Variants in FAM193A observed in about 807,000 individuals in gnomAD.
FAM193A encodes the protein protein FAM193A.
Under a neutral mutation model 126.5 loss-of-function variants are expected in FAM193A, and 22 were observed. The ratio of observed to expected loss-of-function variants is 0.17; its 90% confidence interval spans 0.12 to 0.25. FAM193A has a LOEUF of 0.25. FAM193A is among the 10% of genes least tolerant of loss of function. The pLI, the probability that FAM193A is intolerant of heterozygous loss-of-function variation, is 1.00. For synonymous variants in FAM193A, 761 were observed against 646.8 expected (o/e 1.18, Z -2.68); for missense variants, 1,675 against 1,672.8 (o/e 1.00, Z -0.02).
intron 7 of FAM193A, chr4:2,655,214 T>G: frequency 1.8e-6 from 1 of 552,030 alleles, no homozygotes; most frequent in Non-Finnish European, 3.3e-6. Context: ...CCTTTATTTC[T>G]AGTTGATTTA....
At chr4:2,653,880 G>A (rs909860108) in intron 7 of FAM193A, among the ~76,000 whole-genome samples, 2 of 152,184 alleles carry the variant, frequency 1.3e-5, no homozygotes, top group Admixed American at 1.3e-4. Context: ...ATGCATGGGT[G>A]GGAGGTTGTG....
intron 14 of FAM193A, 126 bp downstream of exon 14, chr4:2,689,830 C>G: frequency 1.6e-6 from 1 of 640,722 alleles, no homozygotes; most frequent in Non-Finnish European, 2.6e-6. Context: ...ACCTCTGTCT[C>G]CAGTGGGAGG....
At position 2,631,157 on chromosome 4, in the gene FAM193A, C is replaced by A; in HGVS notation, c.1026C>A (p.Phe342Leu). Residue 342 changes from phenylalanine to leucine, a missense_variant, in exon 5 of 21, where the codon TTC becomes TTA. Phe to Leu is a conservative substitution (Grantham distance 22). This residue lies in a region of FAM193A where 1,186 missense variants were observed against 1,109.2 expected (regional missense o/e 1.07). Coordinates refer to ENST00000637812, the MANE Select transcript of FAM193A (RefSeq NM_001366318.2). The stretch of plus-strand genomic sequence containing the variant: ...AGGCCGCACGCTCCATCAGCACCTT[C>A]CTTGGCACTCTGGTAAGAGAGAAAA... ...LCQAARSISTFLGTLENEHLK... is the reference protein window; with the variant it reads ...LCQAARSISTLLGTLENEHLK... 6.2e-7 allele frequency: 1 copy of A among 1,607,738 alleles called. No individual in the cohort carries two copies. The highest frequency in any genetic ancestry group is 1.1e-5 in the South Asian group (1 of 90,368).
chr4:2,721,509 A>C (rs1720155923), intron 20 of FAM193A, among the ~76,000 whole-genome samples: 1 of 152,082 alleles, frequency 6.6e-6, no homozygotes, highest in African/African-American at 2.4e-5. Context: ...ACAAAAGGCA[A>C]ACCATTAGGA....
chr4:2,583,490 G>A (rs1292422430), intron 1 of FAM193A, among the ~76,000 whole-genome samples: 1 of 152,102 alleles, frequency 6.6e-6, no homozygotes, highest in South Asian at 2.1e-4. Flanking sequence ...GATTTGAGTG[G>A]AATTTCTTTC....
At chr4:2,663,808 A>C (rs1334958687) in intron 12 of FAM193A, among the ~76,000 whole-genome samples, 1 of 152,206 alleles carries the variant, frequency 6.6e-6, no homozygotes, top group Non-Finnish European at 1.5e-5. Flanking sequence ...CTCTACTAAA[A>C]ATACAAAAAT....
intron 7 of FAM193A, among the ~76,000 whole-genome samples, chr4:2,655,525 T>G (rs1711570284): frequency 6.6e-6 from 1 of 152,130 alleles, no homozygotes; most frequent in Admixed American, 6.6e-5. Context: ...CTGGCCAGGC[T>G]GGAGTGCAAT....
intron 7 of FAM193A, among the ~76,000 whole-genome samples, chr4:2,647,898 G>GAGT (rs1335173775): frequency 6.6e-6 from 1 of 152,212 alleles, no homozygotes. Flanking sequence ...CTGGCATGGT[G>GAGT]AGTGCCATGT....
At chr4:2,730,264 T>C (rs1026655895) in intron 20 of FAM193A, among the ~76,000 whole-genome samples, 2 of 152,174 alleles carry the variant, frequency 1.3e-5, no homozygotes, top group Non-Finnish European at 2.9e-5. Flanking sequence ...ACAAGAATGT[T>C]GACTATTTGC....
chr4:2,536,612 C>A (rs1000526002), upstream of FAM193A: 3 of 148,964 alleles, frequency 2.0e-5, no homozygotes, highest in African/African-American at 7.4e-5. Flanking sequence ...TCCCCCTCCC[C>A]GCTGCTCCTT....
In FAM193A at chr4:2,624,009, G is replaced by T. The variant is rs546150744; in HGVS notation, c.502-1253G>T. Reference sequence around the variant, plus strand: ...TCTGAGACCTGAGCCCTGAGCCCCTGTTCCCAAGGAGCAGAGTCCTTCTCA... The same window carrying T: ...TCTGAGACCTGAGCCCTGAGCCCCTTTTCCCAAGGAGCAGAGTCCTTCTCA... On this transcript the variant is annotated intron_variant, in intron 2 of 20. Transcript: ENST00000637812. Among the ~76,000 whole-genome samples the T allele has an allele frequency of 3.3e-5, 5 of 152,244 alleles. No individual in the cohort carries two copies. The East Asian group carries it at 7.7e-4, about 24-fold the overall frequency.
At chr4:2,701,675 T>C (rs1324073066) in intron 19 of FAM193A, among the ~76,000 whole-genome samples, 1 of 152,196 alleles carries the variant, frequency 6.6e-6, no homozygotes, top group Non-Finnish European at 1.5e-5. Flanking sequence ...AAGTGTCTTA[T>C]GGGGAAATGA....
intron 18 of FAM193A, among the ~76,000 whole-genome samples, chr4:2,697,759 G>A (rs1029488886): frequency 6.6e-6 from 1 of 152,226 alleles, no homozygotes; most frequent in Non-Finnish European, 1.5e-5. Context: ...AGGCTTTGGG[G>A]GAGAAGCCTT....
chr4:2,586,254 A>T (rs73207331), intron 1 of FAM193A, among the ~76,000 whole-genome samples: 61,093 of 150,804 alleles, frequency 0.41, 12,536 homozygotes, highest in Middle Eastern at 0.45. Flanking sequence ...CAAAAAAAAA[A>T]ATATATATAT....
At chr4:2,725,011 C>G (rs1161478076) in intron 20 of FAM193A, among the ~76,000 whole-genome samples, 1 of 151,938 alleles carries the variant, frequency 6.6e-6, no homozygotes, top group Non-Finnish European at 1.5e-5. Flanking sequence ...TGAGTAGCCT[C>G]TATTACAGGC....
In FAM193A at chr4:2,700,266, C is replaced by T. The variant is rs1406688364; in HGVS notation, c.4094C>T (p.Ser1365Phe). 2 of 1,614,040 alleles carry T rather than the reference C, an allele frequency of 1.2e-6. No homozygotes were observed. The change falls in exon 19 of 21, where the codon TCC (serine) becomes TTC (phenylalanine). Residue 1365 changes from serine (S) to phenylalanine (F), a missense_variant. By Grantham distance (155) the Ser-to-Phe change is radical. Coordinates refer to ENST00000637812, the MANE Select transcript of FAM193A (RefSeq NM_001366318.2). ...CCCCCCAAGGCCACAGAGGGGCAGT[C>T]CAAGCCCCGGGCCCAGACTGAGTCA... ...TEPPKATEGQ[S>F]KPRAQTESKA...
At position 2,731,292 on chromosome 4, in the gene FAM193A, T is replaced by C. The variant is rs1577296259; in HGVS notation, c.4455-483T>C. Among the ~76,000 whole-genome samples, 8 of 150,696 alleles carry C rather than the reference T, an allele frequency of 5.3e-5. 1 individual carries two copies. In the South Asian group the frequency reaches 1.7e-3, roughly 32 times the overall value. On this transcript the variant is annotated intron_variant, in intron 20 of 20. Coordinates refer to ENST00000637812, the MANE Select transcript of FAM193A (RefSeq NM_001366318.2). ...GCTGAGGCAGAGAATTGCTTGAACC[T>C]TGGAGGTGGAGGTTGCAGTGAGCCG...
chr4:2,642,134 C>CAA (rs35799531), intron 6 of FAM193A, among the ~76,000 whole-genome samples: 36 of 86,198 alleles, frequency 4.2e-4, no homozygotes, highest in African/African-American at 1.0e-3. Context: ...ACTAAAAATA[C>CAA]AAAAAAAAAA....
chr4:2,535,938 G>A (rs1736849015), upstream of FAM193A, among the ~76,000 whole-genome samples: 1 of 152,158 alleles, frequency 6.6e-6, no homozygotes, highest in South Asian at 2.1e-4. Flanking sequence ...CCGCACCCAG[G>A]CGGACCCCAC....
Sources: gnomAD v4.1 joint callset for allele counts (sites outside exome capture counted in the v4.1 genomes callset) on GRCh38, gnomAD v4.1.1 for gene constraint, gnomAD v4.1.1 regional missense constraint, MANE v1.5 for transcripts, NCBI Gene and HGNC (gene_info 2026-07-23, HGNC 2026-07-21) for gene names.